The following UBE3A variants were observed in gnomAD, a reference collection of about 807,000 sequenced individuals.
UBE3A encodes ubiquitin protein ligase E3A.
UBE3A carries 6 observed loss-of-function variants against 83.4 expected under a neutral mutation model. That is an observed-to-expected ratio of 0.07 (90% confidence interval 0.04 to 0.14). UBE3A has a LOEUF of 0.14. Ranked by LOEUF, UBE3A falls within the 10% of genes least tolerant of loss-of-function variation. The pLI is 1.00. For missense variants in UBE3A, 456 were observed against 1,036.1 expected (o/e 0.44, Z 7.69); for synonymous variants, 337 against 355.4 (o/e 0.95, Z 0.58).
At chr15:25,354,465 A>C (rs1666203383) in intron 10 of UBE3A, 39 bp from the exon 11 acceptor site, 2 of 1,585,718 alleles carry the variant, frequency 1.3e-6, no homozygotes. Flanking sequence ...TATCTGCTAT[A>C]CTACTGTATC....
At chr15:25,368,358 T>C (rs926812206) in intron 6 of UBE3A, among the ~76,000 whole-genome samples, 34 of 152,132 alleles carry the variant, frequency 2.2e-4, no homozygotes, top group African/African-American at 7.7e-4. Context: ...TGCTGGTTTT[T>C]CTAGTCTTTT....
chr15:25,354,154 A>G, intron 11 of UBE3A, 199 bp downstream of exon 11: 2 of 623,034 alleles, frequency 3.2e-6, no homozygotes, highest in South Asian at 1.9e-5. Flanking sequence ...CTTATATATA[A>G]CAACACTTCA....
chr15:25,427,490 A>G (rs1258524360), intron 1 of UBE3A, among the ~76,000 whole-genome samples: 1 of 151,772 alleles, frequency 6.6e-6, no homozygotes, highest in African/African-American at 2.4e-5. Context: ...TTTAAATAGA[A>G]AGCACTCTTC....
At chr15:25,426,032 T>A (rs1034888550) in intron 1 of UBE3A, among the ~76,000 whole-genome samples, 3 of 11,036 alleles carry the variant, frequency 2.7e-4, no homozygotes, top group Non-Finnish European at 2.3e-3. Flanking sequence ...TCTTTGAAAT[T>A]TTTTTTTTAA....
chr15:25,358,327 C>T (rs944459161), intron 7 of UBE3A, among the ~76,000 whole-genome samples: 3 of 151,532 alleles, frequency 2.0e-5, no homozygotes, highest in Non-Finnish European at 2.9e-5. Context: ...TGCAGTGAGC[C>T]GAGACAGAAC....
intron 4 of UBE3A, among the ~76,000 whole-genome samples, chr15:25,384,478 A>G (rs559764995): frequency 6.6e-5 from 10 of 151,500 alleles, no homozygotes; most frequent in African/African-American, 2.4e-4. Context: ...AAAAAAAAGA[A>G]AAAGAAAATT....
At chr15:25,351,573 G>A (rs1368354817) in intron 11 of UBE3A, among the ~76,000 whole-genome samples, 1 of 152,130 alleles carries the variant, frequency 6.6e-6, no homozygotes, top group Non-Finnish European at 1.5e-5. Flanking sequence ...AGGTTCAAGC[G>A]ATTCTCCTGC....
At chr15:25,437,994 G>C (rs915695444) in intron 1 of UBE3A, 1 of 152,234 alleles carries the variant, frequency 6.6e-6, no homozygotes, top group Non-Finnish European at 1.5e-5. Context: ...CCTTGGGCTT[G>C]ACATACCACT....
intron 1 of UBE3A, among the ~76,000 whole-genome samples, chr15:25,422,457 C>G (rs1414725284): frequency 4.0e-5 from 6 of 151,706 alleles, no homozygotes; most frequent in Non-Finnish European, 7.4e-5. Context: ...TTTGTGAGAA[C>G]TTAATATAGA....
At chr15:25,430,027 CTA>C (rs199950859) in intron 1 of UBE3A, among the ~76,000 whole-genome samples, 53,881 of 66,142 alleles carry the variant, frequency 0.81, 23,434 homozygotes, top group East Asian at 0.95. Flanking sequence ...AAAAAAAAAC[CTA>C]TATATATATA....
chr15:25,414,098 A>G (rs1234632320), intron 1 of UBE3A, among the ~76,000 whole-genome samples: 1 of 152,170 alleles, frequency 6.6e-6, no homozygotes, highest in East Asian at 1.9e-4. Flanking sequence ...ACATATTACC[A>G]ACGGTACACA....
intron 4 of UBE3A, among the ~76,000 whole-genome samples, chr15:25,397,055 G>A (rs896936192): frequency 1.1e-4 from 16 of 152,118 alleles, no homozygotes; most frequent in African/African-American, 3.9e-4. Flanking sequence ...TACTATTAAG[G>A]TATTAGGTTG....
At chr15:25,387,810 T>G (rs575289286) in intron 4 of UBE3A, among the ~76,000 whole-genome samples, 1 of 152,212 alleles carries the variant, frequency 6.6e-6, no homozygotes, top group South Asian at 2.1e-4. Context: ...CTCATGGACA[T>G]TAAAAGGATA....
At chr15:25,341,433 TATATA>T (rs533178230) in intron 11 of UBE3A, among the ~76,000 whole-genome samples, 310 of 151,966 alleles carry the variant, frequency 2.0e-3, no homozygotes, top group African/African-American at 6.1e-3. Flanking sequence ...TTTAGTTGCT[TATATA>T]ATATAAAATG....
intron 11 of UBE3A, among the ~76,000 whole-genome samples, chr15:25,350,635 A>G (rs929161997): frequency 1.6e-4 from 25 of 152,198 alleles, no homozygotes; most frequent in Admixed American, 1.5e-3. Context: ...CATTTCCACA[A>G]TAAGACTACA....
chr15:25,398,809 ATAT>A (rs2086351904), intron 4 of UBE3A, among the ~76,000 whole-genome samples: 1 of 71,326 alleles, frequency 1.4e-5, no homozygotes, highest in Admixed American at 1.9e-4. Flanking sequence ...ATATATATAT[ATAT>A]ATAAAAATAC....
At chr15:25,341,360 C>G (rs180750571) in intron 11 of UBE3A, among the ~76,000 whole-genome samples, 1 of 151,116 alleles carries the variant, frequency 6.6e-6, no homozygotes, top group East Asian at 1.9e-4. Context: ...CATGAGCCAC[C>G]GCGCCTGGCC....
At chr15:25,384,459 C>CAAA (rs1306982756) in intron 4 of UBE3A, among the ~76,000 whole-genome samples, 1,265 of 70,096 alleles carry the variant, frequency 0.018, 23 homozygotes, top group African/African-American at 0.052. Context: ...GACTCTGTCT[C>CAAA]AAAAAAAAAA....
At position 25,335,520 on chromosome 15, in the gene UBE3A, G is replaced by C. The variant is rs978403596; in HGVS notation, c.*3617C>G. 6.6e-6 allele frequency: 1 copy of C among 152,134 alleles called. No individual in the cohort carries two copies. Among genetic ancestry groups the C allele is most frequent in the South Asian group, 2.1e-4 (1 of 4,814 alleles). 9.4% of individuals were successfully genotyped at this position (152,134 alleles called of 1,614,324 possible). A position where few individuals can be genotyped will look rare whatever the true frequency, so the allele number is the denominator to read the frequency against. On this transcript the variant is annotated 3_prime_UTR_variant, in exon 13 of 13. Coordinates refer to ENST00000648336, the MANE Select transcript of UBE3A (RefSeq NM_130839.5). The stretch of plus-strand genomic sequence containing the variant: ...TGAGTCAGAGGATCAGGACCTGTAA[G>C]GGCAGTATAAAGAAGGAAGGAATGA...
Sources: gnomAD v4.1 joint callset for allele counts (sites outside exome capture counted in the v4.1 genomes callset) on GRCh38, gnomAD v4.1.1 for gene constraint, MANE v1.5 for transcripts, NCBI Gene and HGNC (gene_info 2026-07-23, HGNC 2026-07-21) for gene names.